Variants in FILIP1L observed in about 807,000 individuals in gnomAD.
The protein encoded by FILIP1L is filamin A-interacting protein 1-like.
In FILIP1L, 55 loss-of-function variants were observed where a neutral mutation model predicts 96.6. The observed-to-expected ratio is 0.57, with a 90% CI of 0.46 to 0.71. The LOEUF is 0.71. FILIP1L is among the 30% of genes least tolerant of loss of function. The probability of loss-of-function intolerance (pLI) is 0.00; values close to 1 mark genes in which losing one functional copy is unlikely to be tolerated. For missense variants in FILIP1L, 1,304 were observed against 1,321.2 expected (o/e 0.99, Z 0.20); for synonymous variants, 467 against 473.9 (o/e 0.99, Z 0.19).
At chr3:99,873,622 T>G (rs757184397) in intron 4 of FILIP1L, among the ~76,000 whole-genome samples, 52 of 152,222 alleles carry the variant, frequency 3.4e-4, no homozygotes, top group Non-Finnish European at 6.8e-4. Context: ...CATTTTCAGT[T>G]TTTTTTCTTA....
chr3:99,991,038 C>G lies in FILIP1L; in HGVS notation c.-10-60008G>C, dbSNP rs369879502. On this transcript the variant is annotated intron_variant, in intron 1 of 5. Coordinates refer to ENST00000477258, the MANE Select transcript of FILIP1L (RefSeq NM_001387850.1). The stretch of plus-strand genomic sequence containing the variant: ...CACAAATGACAAAGATGCCCATAAT[C>G]TGGTCCATGAGTTCCCGTAAGGACA... Among the ~76,000 whole-genome samples, 13 of 152,254 alleles carry G rather than the reference C, an allele frequency of 8.5e-5. No homozygotes were observed. In the East Asian group the frequency reaches 2.3e-3, roughly 27 times the overall value.
At chr3:100,013,215 T>TGTC (rs1710215896) in intron 1 of FILIP1L, among the ~76,000 whole-genome samples, 2 of 47,648 alleles carry the variant, frequency 4.2e-5, no homozygotes, top group South Asian at 1.3e-3. Flanking sequence ...GCCAGTGAGG[T>TGTC]GTTGTTGTTG....
intron 1 of FILIP1L, among the ~76,000 whole-genome samples, chr3:100,001,252 CT>C (rs1709834004): frequency 6.6e-6 from 1 of 152,172 alleles, no homozygotes; most frequent in Admixed American, 6.5e-5. Flanking sequence ...GACCCTTAAT[CT>C]GTTTTTGTAA....
At chr3:100,004,387 G>A (rs1368604554) in intron 1 of FILIP1L, among the ~76,000 whole-genome samples, 1 of 152,116 alleles carries the variant, frequency 6.6e-6, no homozygotes, top group Non-Finnish European at 1.5e-5. Flanking sequence ...ATACTGAGAA[G>A]ATCAAATATT....
intron 4 of FILIP1L, among the ~76,000 whole-genome samples, chr3:99,865,422 A>G (rs1944464885): frequency 6.6e-6 from 1 of 152,204 alleles, no homozygotes; most frequent in Non-Finnish European, 1.5e-5. Context: ...CCTGTCAAAG[A>G]TCCCAAATCA....
rs1419816272 is a variant in FILIP1L at position 99,850,752 on chromosome 3, T to C, written c.924A>G (p.Thr308=). The C allele has an allele frequency of 3.1e-6, 5 of 1,614,214 alleles. No individual in the cohort carries two copies. In the Middle Eastern group the frequency reaches 8.2e-4, roughly 266 times the overall value. The change falls in exon 5 of 6, where the codon ACA becomes ACG. Residue 308 remains threonine, a synonymous_variant. Coordinates refer to ENST00000477258, the MANE Select transcript of FILIP1L (RefSeq NM_001387850.1). Reference sequence around the variant, plus strand: ...CCTCATTGGTGAGCTTCGCCATAATTGTGTCTTGGTCTTGGTGAAACTTTG... The same window carrying C: ...CCTCATTGGTGAGCTTCGCCATAATCGTGTCTTGGTCTTGGTGAAACTTTG... ...QTTKFHQDQD[T]IMAKLTNEDS...
At chr3:99,924,659 C>T (rs1305340713) in intron 3 of FILIP1L, among the ~76,000 whole-genome samples, 1 of 152,170 alleles carries the variant, frequency 6.6e-6, no homozygotes, top group African/African-American at 2.4e-5. Flanking sequence ...GCTGGGATTA[C>T]AGGCATGCGC....
At chr3:99,988,683 A>C (rs1349441318) in intron 1 of FILIP1L, among the ~76,000 whole-genome samples, 1 of 152,216 alleles carries the variant, frequency 6.6e-6, no homozygotes, top group Non-Finnish European at 1.5e-5. Flanking sequence ...GCAAACAAAA[A>C]AGAAATTAAC....
chr3:100,090,272 C>G (rs188806231), intron 1 of FILIP1L, among the ~76,000 whole-genome samples: 11 of 152,220 alleles, frequency 7.2e-5, no homozygotes, highest in Admixed American at 4.6e-4. Flanking sequence ...TTAACTGTCC[C>G]GATCTTCTGA....
chr3:100,044,078 ACT>A (rs1250512799), intron 1 of FILIP1L, among the ~76,000 whole-genome samples: 5 of 152,144 alleles, frequency 3.3e-5, no homozygotes, highest in East Asian at 1.9e-4. Flanking sequence ...TCTATGACAA[ACT>A]CTGTCCTGCT....
At chr3:99,934,309 C>A (rs1303515526) in intron 1 of FILIP1L, among the ~76,000 whole-genome samples, 1 of 152,204 alleles carries the variant, frequency 6.6e-6, no homozygotes, top group African/African-American at 2.4e-5. Context: ...AAAAAGTTCA[C>A]CACACCCACA....
intron 1 of FILIP1L, among the ~76,000 whole-genome samples, chr3:99,988,210 A>AAATT (rs1709402726): frequency 1.3e-5 from 2 of 152,050 alleles, no homozygotes; most frequent in South Asian, 4.2e-4. Flanking sequence ...AGAAAGTCTG[A>AAATT]AATTTGGCCG....
chr3:99,930,161 T>G, intron 2 of FILIP1L, 132 bp from the exon 3 acceptor site: 1 of 746,786 alleles, frequency 1.3e-6, no homozygotes, highest in Admixed American at 2.8e-5. Context: ...TTTTCACACT[T>G]TTATAAAAGG....
chr3:99,894,671 T>G (rs941548037), intron 4 of FILIP1L, among the ~76,000 whole-genome samples: 1 of 152,164 alleles, frequency 6.6e-6, no homozygotes, highest in Non-Finnish European at 1.5e-5. Context: ...TATTTCCTCA[T>G]AAAAACGATA....
chr3:99,876,401 G>A (rs1705524054), intron 4 of FILIP1L, among the ~76,000 whole-genome samples: 1 of 152,168 alleles, frequency 6.6e-6, no homozygotes, highest in Non-Finnish European at 1.5e-5. Context: ...CGGTGGGCCG[G>A]GGCGCCGGCG....
intron 4 of FILIP1L, among the ~76,000 whole-genome samples, chr3:99,862,519 T>C (rs1223470296): frequency 6.6e-6 from 1 of 152,216 alleles, no homozygotes; most frequent in African/African-American, 2.4e-5. Flanking sequence ...TAATTCTTTG[T>C]TGTAGGGGCT....
At chr3:100,109,129 A>G (rs1445016758) in intron 1 of FILIP1L, among the ~76,000 whole-genome samples, 4 of 150,514 alleles carry the variant, frequency 2.7e-5, no homozygotes, top group Non-Finnish European at 5.9e-5. Flanking sequence ...TAACTTTCTC[A>G]GGCCTCAATT....
intron 1 of FILIP1L, among the ~76,000 whole-genome samples, chr3:100,078,743 T>C (rs62285469): frequency 0.092 from 13,949 of 151,874 alleles, 797 homozygotes; most frequent in African/African-American, 0.15. Context: ...ATACAAAAAT[T>C]AGCCGAGCAT....
chr3:99,913,211 C>G (rs1706847299), intron 4 of FILIP1L, among the ~76,000 whole-genome samples: 1 of 152,216 alleles, frequency 6.6e-6, no homozygotes, highest in African/African-American at 2.4e-5. Flanking sequence ...CACCCAATCT[C>G]TGGTATTTTG....
Sources: gnomAD v4.1 joint callset for allele counts (sites outside exome capture counted in the v4.1 genomes callset) on GRCh38, gnomAD v4.1.1 for gene constraint, MANE v1.5 for transcripts, NCBI Gene and HGNC (gene_info 2026-07-23, HGNC 2026-07-21) for gene names.